The following SLC4A10 variants were observed in gnomAD, a reference collection of about 807,000 sequenced individuals.
The protein encoded by SLC4A10 is sodium-driven chloride bicarbonate exchanger.
A neutral mutation model predicts 137.7 loss-of-function variants in SLC4A10; 42 were observed. That is an observed-to-expected ratio of 0.30 (90% CI 0.24 to 0.39). The LOEUF is 0.39. Among genes scored for constraint, SLC4A10 ranks in the 10% least tolerant of loss-of-function variants. The pLI, the probability that SLC4A10 is intolerant of heterozygous loss-of-function variation, is 1.00. For synonymous variants in SLC4A10, 474 were observed against 464.1 expected (o/e 1.02, Z -0.27); for missense variants, 925 against 1,355.0 (o/e 0.68, Z 4.98).
At chr2:161,874,597 C>T (rs764149168) in intron 8 of SLC4A10, among the ~76,000 whole-genome samples, 1 of 152,170 alleles carries the variant, frequency 6.6e-6, no homozygotes, top group Non-Finnish European at 1.5e-5. Flanking sequence ...TTCACATTTG[C>T]GATCACTGGC....
At chr2:161,640,700 G>A (rs55925603) in intron 1 of SLC4A10, among the ~76,000 whole-genome samples, 11,731 of 143,744 alleles carry the variant, frequency 0.082, 573 homozygotes, top group East Asian at 0.14. Context: ...TGCTCTTGCT[G>A]GAGTGCAGTC....
At chr2:161,639,774 C>A (rs529751598) in intron 1 of SLC4A10, among the ~76,000 whole-genome samples, 16 of 152,150 alleles carry the variant, frequency 1.1e-4, no homozygotes, top group Admixed American at 2.0e-4. Flanking sequence ...CTAGCCAGAG[C>A]AATTAGGCAA....
In SLC4A10 at chr2:161,697,345, A is replaced by G. The variant is rs532706960; in HGVS notation, c.48+72779A>G. Among the ~76,000 whole-genome samples, 641 of 152,164 alleles carry G rather than the reference A, an allele frequency of 4.2e-3. 5 individuals are homozygous for G. Among genetic ancestry groups the G allele is most frequent in the Non-Finnish European group, 4.5e-3 (307 of 68,002 alleles). The stretch of plus-strand genomic sequence containing the variant: ...TTTGTCAATTTTGGCTTTTGTTGCC[A>G]TTGCTTTTGGTGTTTTAGACATGAA... On this transcript the variant is annotated intron_variant, in intron 1 of 26. Transcript: ENST00000446997.
Position 161,690,223 on chromosome 2 carries a change from T to C in SLC4A10, c.48+65657T>C, listed in dbSNP as rs534770833. On this transcript the variant is annotated intron_variant, in intron 1 of 26. Transcript: ENST00000446997. The stretch of plus-strand genomic sequence containing the variant: ...TCAACATCACTGATAATTAGAGAAA[T>C]GCAAATCGAAACCACAATGAAATAC... Among the ~76,000 whole-genome samples the C allele has an allele frequency of 2.4e-4, 36 of 152,236 alleles. 2 individuals are homozygous for C. In the South Asian group the frequency reaches 7.5e-3, roughly 32 times the overall value.
In SLC4A10 at chr2:161,957,045, C is replaced by T. The variant is rs746872694; in HGVS notation, c.2598C>T (p.Cys866=). 21 of 1,610,720 alleles carry T rather than the reference C, an allele frequency of 1.3e-5. No homozygotes were observed. In the Admixed American group the frequency reaches 3.5e-4, roughly 27 times the overall value. The stretch of plus-strand genomic sequence containing the variant: ...TGGTGGCTGTCATGCTCGGTGTATG[C>T]TCCATCATGGGCCTGCCATGGTTTG... ...LLMVAVMLGV[C]SIMGLPWFVA... The change falls in exon 20 of 27, where the codon TGC becomes TGT. Residue 866 remains cysteine, a synonymous_variant. Transcript: ENST00000446997.
In SLC4A10 at chr2:161,950,770, T is replaced by G. The variant is rs1169213626; in HGVS notation, c.2463T>G (p.Ala821=). ...CAGTAATAGCTGCTATAATTCCAGC[T>G]CTGCTTTGTACTATTCTAATTTTTA... The part of the protein sequence containing the change: ...WWTVIAAIIP[A]LLCTILIFMD... Residue 821 remains alanine (A), a synonymous_variant, in exon 19 of 27, where the codon GCT becomes GCG. Transcript: ENST00000446997. 4 of 1,601,224 alleles carry G rather than the reference T, an allele frequency of 2.5e-6. No homozygotes were observed. The highest frequency in any genetic ancestry group is 2.7e-5 in the African/African-American group (2 of 74,726).
At chr2:161,943,572 T>C (rs1693144966) in intron 16 of SLC4A10, among the ~76,000 whole-genome samples, 1 of 152,062 alleles carries the variant, frequency 6.6e-6, no homozygotes, top group African/African-American at 2.4e-5. Flanking sequence ...CCTCCTTTCC[T>C]ATCAATACTT....
chr2:161,805,953 A>C (rs1238534111), intron 3 of SLC4A10, among the ~76,000 whole-genome samples: 1 of 152,198 alleles, frequency 6.6e-6, no homozygotes, highest in Non-Finnish European at 1.5e-5. Flanking sequence ...GAGGTTCTCC[A>C]TGAGGGCCCT....
intron 1 of SLC4A10, among the ~76,000 whole-genome samples, chr2:161,631,464 A>G (rs1056498734): frequency 2.6e-5 from 4 of 151,674 alleles, no homozygotes; most frequent in African/African-American, 9.7e-5. Flanking sequence ...CTCCCCCCAC[A>G]AGAAATTCTT....
chr2:161,859,879 C>A lies in SLC4A10; in HGVS notation c.578-2995C>A, dbSNP rs190689369. The stretch of plus-strand genomic sequence containing the variant: ...CCTCCCAAAGTGCTGGGATTACAGG[C>A]GTGAGCCACCGCGCCTTTTCTCTTA... On this transcript the variant is annotated intron_variant, in intron 5 of 26. Transcript: ENST00000446997. 1.6e-3 allele frequency among the ~76,000 whole-genome samples: 242 copies of A among 152,176 alleles called. 1 individual carries two copies. Among genetic ancestry groups the A allele is most frequent in the African/African-American group, 5.5e-3 (229 of 41,540 alleles).
chr2:161,697,790 C>T (rs1277176865), intron 1 of SLC4A10, among the ~76,000 whole-genome samples: 5 of 152,338 alleles, frequency 3.3e-5, no homozygotes, highest in East Asian at 1.9e-4. Flanking sequence ...GTGATGCGGA[C>T]TCTTTTTTGG....
chr2:161,792,512 A>G (rs978658555), intron 2 of SLC4A10, among the ~76,000 whole-genome samples: 6 of 152,166 alleles, frequency 3.9e-5, no homozygotes, highest in African/African-American at 1.4e-4. Context: ...TGAAGGTGGC[A>G]TAGTGAAGGA....
At chr2:161,973,520 T>C (rs1034128826) in intron 23 of SLC4A10, among the ~76,000 whole-genome samples, 2 of 152,210 alleles carry the variant, frequency 1.3e-5, no homozygotes, top group African/African-American at 2.4e-5. Flanking sequence ...ATTGTCATTA[T>C]AAGAAGAAAT....
At chr2:161,771,152 G>C in intron 2 of SLC4A10, 98 bp downstream of exon 2, 1 of 870,370 alleles carries the variant, frequency 1.1e-6, no homozygotes, top group South Asian at 1.6e-5. Context: ...GCAAAAGTTG[G>C]TATCAGAGTA....
intron 5 of SLC4A10, among the ~76,000 whole-genome samples, chr2:161,855,573 G>C (rs2060053949): frequency 6.6e-6 from 1 of 152,060 alleles, no homozygotes; most frequent in Non-Finnish European, 1.5e-5. Flanking sequence ...TAAAACCCTT[G>C]AATTCCAGAG....
At chr2:161,774,935 G>A (rs56374905) in intron 2 of SLC4A10, among the ~76,000 whole-genome samples, 1 of 151,782 alleles carries the variant, frequency 6.6e-6, no homozygotes, top group South Asian at 2.1e-4. Flanking sequence ...ACCGATAGAC[G>A]TACTTGGTAG....
intron 24 of SLC4A10, among the ~76,000 whole-genome samples, chr2:161,975,452 G>A (rs1699237980): frequency 6.6e-6 from 1 of 152,190 alleles, no homozygotes; most frequent in Admixed American, 6.5e-5. Flanking sequence ...GTTCAATCAA[G>A]TATTTAAAAA....
intron 8 of SLC4A10, among the ~76,000 whole-genome samples, chr2:161,875,780 G>A (rs2061419344): frequency 6.6e-6 from 1 of 152,062 alleles, no homozygotes; most frequent in Non-Finnish European, 1.5e-5. Context: ...TAGAACTGTA[G>A]GAAACCTTAG....
chr2:161,809,621 A>T (rs1299756838), intron 3 of SLC4A10, among the ~76,000 whole-genome samples: 2 of 152,028 alleles, frequency 1.3e-5, no homozygotes, highest in Non-Finnish European at 2.9e-5. Flanking sequence ...AGCACCATTT[A>T]TTTAATAGGG....
Sources: allele counts gnomAD v4.1 joint callset (sites outside exome capture counted in the v4.1 genomes callset), GRCh38; gene constraint gnomAD v4.1.1; transcripts MANE v1.5; gene names NCBI Gene and HGNC (gene_info 2026-07-23, HGNC 2026-07-21).